The following TPX2 variants were observed in gnomAD, a reference collection of about 807,000 sequenced individuals.
The protein encoded by TPX2 is TPX2 microtubule nucleation factor, also known as targeting protein for Xklp2.
Under a neutral mutation model 93.6 loss-of-function variants are expected in TPX2, and 21 were observed. The observed-to-expected ratio is 0.22, with a 90% CI of 0.16 to 0.32. The LOEUF is 0.32. Among genes scored for constraint, TPX2 ranks in the 10% least tolerant of loss-of-function variants. TPX2 has a pLI of 1.00. For missense variants in TPX2, 776 were observed against 871.1 expected (o/e 0.89, Z 1.37); for synonymous variants, 281 against 298.3 (o/e 0.94, Z 0.60).
chr20:31,745,924 T>C (rs1400214645), intron 2 of TPX2, among the ~76,000 whole-genome samples: 2 of 152,258 alleles, frequency 1.3e-5, no homozygotes, highest in Non-Finnish European at 2.9e-5. Flanking sequence ...AGGTGGATTA[T>C]GGTTTGTTGA....
At chr20:31,755,221 TAC>T (rs200721829) in intron 2 of TPX2, among the ~76,000 whole-genome samples, 2,622 of 152,136 alleles carry the variant, frequency 0.017, 33 homozygotes, top group Non-Finnish European at 0.025. Flanking sequence ...GTGCTGGGAT[TAC>T]AGGCGTGAGC....
chr20:31,794,755 AGTGTGT>A (rs35018680), intron 15 of TPX2, among the ~76,000 whole-genome samples: 1,568 of 145,482 alleles, frequency 0.011, 10 homozygotes, highest in Non-Finnish European at 0.015. Flanking sequence ...TCTGTCGCAT[AGTGTGT>A]GTGTGTGTGT....
chr20:31,765,821 A>T (rs1225228579), intron 4 of TPX2, among the ~76,000 whole-genome samples: 2 of 152,190 alleles, frequency 1.3e-5, no homozygotes, highest in Non-Finnish European at 2.9e-5. Flanking sequence ...CTTTTCTTTA[A>T]ACTTTATCAA....
At chr20:31,740,262 C>T (rs1178072940) in intron 1 of TPX2, among the ~76,000 whole-genome samples, 1 of 152,174 alleles carries the variant, frequency 6.6e-6, no homozygotes, top group Non-Finnish European at 1.5e-5. Flanking sequence ...TTTTTGACTC[C>T]TGGATTTTGC....
At chr20:31,776,022 G>T (rs199536472) in intron 8 of TPX2, 34 bp downstream of exon 8, 40 of 1,250,896 alleles carry the variant, frequency 3.2e-5, no homozygotes, top group East Asian at 8.6e-5. Context: ...TGATTCATGA[G>T]GGGTGGTTCT....
rs35700111 is a variant in TPX2 at position 31,766,454 on chromosome 20, G to GGTGTGTGTGTGT, written c.230-71_230-60dup. 923 of 720,598 alleles carry GGTGTGTGTGTGT rather than the reference G, an allele frequency of 1.3e-3. 9 individuals carry two copies. The African/African-American group carries it at 0.017, about 13-fold the overall frequency. The allele number at this position is 720,598 out of a possible 1,614,324, so 44.6% of individuals were successfully genotyped here. A position where few individuals can be genotyped will look rare whatever the true frequency, so the allele number is the denominator to read the frequency against. On this transcript the variant is annotated intron_variant, in intron 4 of 17. Transcript: ENST00000300403. The stretch of plus-strand genomic sequence containing the variant: ...ACTAAGGTTTCTGTGGCTTAGACAG[G>GGTGTGTGTGTGT]GTGTGTGTGTGTGTGTGTGTGTGTG...
intron 2 of TPX2, among the ~76,000 whole-genome samples, chr20:31,750,949 C>G (rs912589164): frequency 3.0e-4 from 46 of 151,924 alleles, no homozygotes; most frequent in African/African-American, 1.1e-3. Flanking sequence ...ACTCTGTTGC[C>G]CACGTTAGAG....
At chr20:31,763,724 T>TAATTTAAATTTAATTTA (rs59322877) in intron 4 of TPX2, among the ~76,000 whole-genome samples, 1 of 148,102 alleles carries the variant, frequency 6.8e-6, no homozygotes, top group African/African-American at 2.5e-5. Context: ...AAATTTAATT[T>TAATTTAAATTTAATTTA]TTTTTTTTTT....
intron 2 of TPX2, among the ~76,000 whole-genome samples, chr20:31,745,389 G>T (rs1258293404): frequency 6.7e-6 from 1 of 149,774 alleles, no homozygotes; most frequent in Non-Finnish European, 1.5e-5. Flanking sequence ...GAATACAGTG[G>T]CACAATCTCA....
intron 7 of TPX2, among the ~76,000 whole-genome samples, chr20:31,772,004 A>G (rs540146229): frequency 5.4e-5 from 8 of 147,780 alleles, no homozygotes; most frequent in Admixed American, 3.4e-4. Flanking sequence ...GGCATGCACT[A>G]TCATGCCTGG....
At chr20:31,764,111 CATGT>C (rs1277178462) in intron 4 of TPX2, among the ~76,000 whole-genome samples, 1 of 115,322 alleles carries the variant, frequency 8.7e-6, no homozygotes, top group Non-Finnish European at 1.6e-5. Flanking sequence ...ATCTAATATA[CATGT>C]ATGTGTGTAT....
chr20:31,800,855 G>A, intron 17 of TPX2, 115 bp from the exon 18 acceptor site: 1 of 854,408 alleles, frequency 1.2e-6, no homozygotes, highest in Non-Finnish European at 1.9e-6. Context: ...CCTGAAACTA[G>A]TGACTGGGAC....
Position 31,777,870 on chromosome 20 carries a change from G to A in TPX2, c.882+232G>A, listed in dbSNP as rs369810683. 2.5e-3 allele frequency among the ~76,000 whole-genome samples: 374 copies of A among 151,402 alleles called. 2 individuals are homozygous for A. Among genetic ancestry groups the A allele is most frequent in the African/African-American group, 8.6e-3 (352 of 41,168 alleles). On this transcript the variant is annotated intron_variant, in intron 9 of 17. Transcript: ENST00000300403. ...CGGCTCACTGTAACCTCCGCCTCCCGGGTTCAAGTAATTCTCCTGCCTCAG... is the reference window on the plus strand; with the variant it reads ...CGGCTCACTGTAACCTCCGCCTCCCAGGTTCAAGTAATTCTCCTGCCTCAG...
At chr20:31,752,836 A>T (rs560202294) in intron 2 of TPX2, among the ~76,000 whole-genome samples, 1 of 152,024 alleles carries the variant, frequency 6.6e-6, no homozygotes, top group Non-Finnish European at 1.5e-5. Flanking sequence ...GGATGGTCTC[A>T]ATCTCCTCAC....
chr20:31,768,260 C>G (rs1458860867), intron 5 of TPX2, among the ~76,000 whole-genome samples: 1 of 130,748 alleles, frequency 7.6e-6, no homozygotes, highest in Admixed American at 7.9e-5. Context: ...TTTTTTCAGA[C>G]GAGTCTCGCT....
intron 9 of TPX2, 36 bp from the exon 10 acceptor site, chr20:31,778,777 G>T: frequency 6.6e-7 from 1 of 1,516,590 alleles, no homozygotes; most frequent in South Asian, 1.4e-5. Context: ...GCTCTTCCGT[G>T]ACATTTCATT....
chr20:31,783,823 A>G lies in TPX2; in HGVS notation c.1315A>G (p.Lys439Glu). 2 of 1,612,344 alleles carry G rather than the reference A, an allele frequency of 1.2e-6. No individual in the cohort carries two copies. Among genetic ancestry groups the G allele is most frequent in the Non-Finnish European group, 8.5e-7 (1 of 1,179,654 alleles). Residue 439 changes from lysine (K) to glutamate (E), a missense_variant, in exon 12 of 18, where the codon AAA becomes GAA. By Grantham distance (56) the Lys-to-Glu change is moderately conservative (BLOSUM62 1). This residue lies in a region of TPX2 where 461 missense variants were observed against 551.2 expected (regional missense o/e 0.84). Coordinates refer to ENST00000300403, the MANE Select transcript of TPX2 (RefSeq NM_012112.5). ...EPIGFDLEIE[K>E]RIQERESKKK... ...TATTGGCTTTGATTTGGAAATTGAG[A>G]AAAGAATCCAGGAGCGAGAATCAAA... is the stretch of plus-strand genomic sequence containing the variant.
chr20:31,766,550 C>A lies in TPX2; in HGVS notation c.230-6C>A. 1 of 1,603,508 alleles carries A rather than the reference C, an allele frequency of 6.2e-7. No homozygotes were observed. Among genetic ancestry groups the A allele is most frequent in the Non-Finnish European group, 8.5e-7 (1 of 1,174,768 alleles). On this transcript the variant is annotated splice_polypyrimidine_tract_variant and splice_region_variant and intron_variant, in intron 4 of 17. Coordinates refer to ENST00000300403, the MANE Select transcript of TPX2 (RefSeq NM_012112.5). ...TGAGTGCTGACTAGCTTTTGGTCTTCCGCAGTTGACAACACTTACTACAAA... is the reference window on the plus strand; with the variant it reads ...TGAGTGCTGACTAGCTTTTGGTCTTACGCAGTTGACAACACTTACTACAAA...
intron 15 of TPX2, among the ~76,000 whole-genome samples, chr20:31,795,177 A>G (rs2062129762): frequency 6.6e-6 from 1 of 151,926 alleles, no homozygotes; most frequent in African/African-American, 2.4e-5. Flanking sequence ...TCTGTCACCC[A>G]GGCTGGAGTG....
Sources: gnomAD v4.1 joint callset for allele counts (sites outside exome capture counted in the v4.1 genomes callset) on GRCh38, gnomAD v4.1.1 for gene constraint, gnomAD v4.1.1 regional missense constraint, MANE v1.5 for transcripts, NCBI Gene and HGNC (gene_info 2026-07-23, HGNC 2026-07-21) for gene names.